The following CSMD3 variants were observed in gnomAD, a reference collection of about 807,000 sequenced individuals.
CSMD3 encodes the protein CUB and sushi domain-containing protein 3.
In CSMD3, 177 loss-of-function variants were observed where a neutral mutation model predicts 435.2. That is an observed-to-expected ratio of 0.41 (90% CI 0.36 to 0.46). The LOEUF (loss-of-function observed/expected upper bound fraction) is 0.46. Ranked by LOEUF, CSMD3 falls within the 20% of genes least tolerant of loss-of-function variation. The pLI, the probability that CSMD3 is intolerant of heterozygous loss-of-function variation, is 0.34. For synonymous variants in CSMD3, 1,656 were observed against 1,520.5 expected (o/e 1.09, Z -2.07); for missense variants, 4,265 against 4,504.6 (o/e 0.95, Z 1.52).
At chr8:112,786,268 AT>A (rs1221932990) in intron 13 of CSMD3, among the ~76,000 whole-genome samples, 2 of 152,094 alleles carry the variant, frequency 1.3e-5, no homozygotes, top group East Asian at 1.9e-4. Context: ...TGCCATAGGC[AT>A]AAAACCAGAT....
intron 8 of CSMD3, among the ~76,000 whole-genome samples, chr8:112,951,118 C>T (rs572432400): frequency 6.6e-6 from 1 of 151,854 alleles, no homozygotes; most frequent in Middle Eastern, 3.4e-3. Context: ...AAAAAAAGTG[C>T]AATCTATCTT....
intron 8 of CSMD3, among the ~76,000 whole-genome samples, chr8:112,952,649 T>G (rs117106212): frequency 6.6e-6 from 1 of 151,604 alleles, no homozygotes; most frequent in Non-Finnish European, 1.5e-5. Context: ...GGCTTGCTAT[T>G]TTATGACAGG....
At chr8:112,353,505 T>G (rs539910542) in intron 38 of CSMD3, among the ~76,000 whole-genome samples, 1 of 152,310 alleles carries the variant, frequency 6.6e-6, no homozygotes, top group East Asian at 1.9e-4. Context: ...TTCAAAACAC[T>G]TTCATTATTT....
intron 35 of CSMD3, among the ~76,000 whole-genome samples, chr8:112,404,019 A>G (rs1034643252): frequency 6.6e-6 from 1 of 152,120 alleles, no homozygotes; most frequent in African/African-American, 2.4e-5. Flanking sequence ...TATTTGTTTT[A>G]AGAAAAAAAT....
At chr8:112,598,764 G>A (rs371244979) in intron 22 of CSMD3, among the ~76,000 whole-genome samples, 4 of 147,274 alleles carry the variant, frequency 2.7e-5, no homozygotes, top group African/African-American at 7.5e-5. Context: ...AACAAGAAAT[G>A]GGGAAAGGAT....
chr8:112,267,434 T>C (rs1251995769), intron 59 of CSMD3, among the ~76,000 whole-genome samples: 1 of 152,152 alleles, frequency 6.6e-6, no homozygotes, highest in Non-Finnish European at 1.5e-5. Context: ...GAAAATCAAA[T>C]AATTCTACTC....
chr8:112,402,847 T>C (rs533097364), intron 35 of CSMD3, among the ~76,000 whole-genome samples: 3 of 152,310 alleles, frequency 2.0e-5, no homozygotes, highest in African/African-American at 4.8e-5. Context: ...CACAGACATA[T>C]AGAAACATTT....
intron 7 of CSMD3, among the ~76,000 whole-genome samples, chr8:112,972,041 CTA>C (rs1171945471): frequency 1.3e-5 from 2 of 151,660 alleles, no homozygotes; most frequent in Non-Finnish European, 2.9e-5. Flanking sequence ...TTTAATTTAT[CTA>C]TGTGTTAATT....
Position 112,404,146 on chromosome 8 carries a change from A to G in CSMD3, c.5809+2378T>C, listed in dbSNP as rs1831566932. Among the ~76,000 whole-genome samples the G allele has an allele frequency of 2.0e-5, 3 of 152,318 alleles. No homozygotes were observed. The South Asian group carries it at 6.2e-4, about 32-fold the overall frequency. ...CTAGTTATTTGTGAGAGCCTAGTTT[A>G]TACCATTATCCTAGCACAATTGTTG... On this transcript the variant is annotated intron_variant, in intron 35 of 70. Transcript: ENST00000297405.
chr8:112,381,965 T>C (rs560411532), intron 37 of CSMD3, among the ~76,000 whole-genome samples: 1 of 152,262 alleles, frequency 6.6e-6, no homozygotes, highest in African/African-American at 2.4e-5. Flanking sequence ...ATTACATTAT[T>C]ATTTTAAAAG....
intron 16 of CSMD3, among the ~76,000 whole-genome samples, chr8:112,680,943 T>G (rs1193519837): frequency 6.6e-6 from 1 of 151,844 alleles, no homozygotes; most frequent in African/African-American, 2.4e-5. Context: ...GCTTTTAAAA[T>G]AATCAATTAT....
chr8:113,308,428 C>T lies in CSMD3; in HGVS notation c.401+6143G>A, dbSNP rs369798201. On this transcript the variant is annotated intron_variant, in intron 2 of 70. Transcript: ENST00000297405. ...GGACTACAGGCGCCCAACACCACGC[C>T]CGGCTGATTTTTTGTATTTTTAGTA... Among the ~76,000 whole-genome samples, 176 of 151,802 alleles carry T rather than the reference C, an allele frequency of 1.2e-3. 2 individuals are homozygous for T. The South Asian group carries it at 0.019, about 16-fold the overall frequency.
chr8:112,786,504 G>T (rs1436810025), intron 13 of CSMD3, among the ~76,000 whole-genome samples: 1 of 151,792 alleles, frequency 6.6e-6, no homozygotes, highest in Non-Finnish European at 1.5e-5. Context: ...GAAAATATTT[G>T]CAAACTATCT....
intron 10 of CSMD3, among the ~76,000 whole-genome samples, chr8:112,906,639 TCTTC>T (rs1327498322): frequency 6.6e-6 from 1 of 151,472 alleles, no homozygotes; most frequent in Admixed American, 6.6e-5. Flanking sequence ...AAATATTAGA[TCTTC>T]CTTTTCTCAT....
At chr8:113,132,057 C>T (rs1236421124) in intron 4 of CSMD3, among the ~76,000 whole-genome samples, 2 of 152,124 alleles carry the variant, frequency 1.3e-5, no homozygotes, top group East Asian at 3.9e-4. Flanking sequence ...CCTATAGCCC[C>T]TTTGTTTTGG....
chr8:112,674,891 T>G (rs2131743703), intron 16 of CSMD3, among the ~76,000 whole-genome samples: 1 of 152,192 alleles, frequency 6.6e-6, no homozygotes, highest in South Asian at 2.1e-4. Flanking sequence ...AAACAACTTA[T>G]AATTCAAACA....
chr8:112,555,148 C>T (rs192515002), intron 25 of CSMD3, among the ~76,000 whole-genome samples: 2 of 151,994 alleles, frequency 1.3e-5, no homozygotes, highest in Admixed American at 6.6e-5. Context: ...AATATCAAGT[C>T]AACATGTTTT....
intron 13 of CSMD3, among the ~76,000 whole-genome samples, chr8:112,737,902 C>T (rs189768151): frequency 5.9e-5 from 9 of 151,832 alleles, no homozygotes; most frequent in Non-Finnish European, 8.8e-5. Flanking sequence ...TACATTTCTA[C>T]GATTGCAAAT....
chr8:112,932,516 G>T (rs2083143735), intron 9 of CSMD3, among the ~76,000 whole-genome samples: 1 of 152,090 alleles, frequency 6.6e-6, no homozygotes, highest in Non-Finnish European at 1.5e-5. Context: ...AAAGTGCTGG[G>T]ATTGCAGGCT....
Sources: allele counts gnomAD v4.1 joint callset (sites outside exome capture counted in the v4.1 genomes callset), GRCh38; gene constraint gnomAD v4.1.1; transcripts MANE v1.5; gene names NCBI Gene and HGNC (gene_info 2026-07-23, HGNC 2026-07-21).